Variants in MTUS1 observed in about 807,000 individuals in gnomAD.
MTUS1 encodes the protein microtubule associated scaffold protein 1, also known as microtubule-associated tumor suppressor 1.
Under a neutral mutation model 120.8 loss-of-function variants are expected in MTUS1, and 109 were observed. The observed-to-expected ratio is 0.90, with a 90% confidence interval of 0.77 to 1.06. MTUS1 has a LOEUF of 1.06. MTUS1 is among the 50% of genes least tolerant of loss of function. The pLI, the probability that MTUS1 is intolerant of heterozygous loss-of-function variation, is 0.00. For synonymous variants in MTUS1, 737 were observed against 550.5 expected, an observed-to-expected ratio of 1.34 and a Z score of -4.74; for missense variants, 2,210 against 1,486.3, an observed-to-expected ratio of 1.49 and a Z score of -8.01.
At chr8:17,675,139 T>A in intron 8 of MTUS1, 47 bp downstream of exon 8, 1 of 1,609,404 alleles carries the variant, frequency 6.2e-7, no homozygotes, top group South Asian at 1.1e-5. Flanking sequence ...TTTTCCAGTG[T>A]TCCCCTTGTC....
intron 6 of MTUS1, among the ~76,000 whole-genome samples, chr8:17,707,122 T>C (rs2937897): frequency 0.2 from 30,902 of 152,176 alleles, 3,324 homozygotes; most frequent in East Asian, 0.28. Flanking sequence ...GGCAATGTCT[T>C]CTGTATCAGC....
At chr8:17,675,122 A>C in intron 8 of MTUS1, 64 bp downstream of exon 8, 1 of 1,608,106 alleles carries the variant, frequency 6.2e-7, no homozygotes. Flanking sequence ...CAGACAGGAC[A>C]ACCACATTTT....
chr8:17,716,408 G>T (rs1382336849), intron 4 of MTUS1: 1 of 152,586 alleles, frequency 6.6e-6, no homozygotes, highest in Non-Finnish European at 1.5e-5. Context: ...CTGAACAAAG[G>T]AAGTTTGTTC....
At chr8:17,657,799 C>A (rs1303125822) in intron 8 of MTUS1, among the ~76,000 whole-genome samples, 1,444 of 90,954 alleles carry the variant, frequency 0.016, no homozygotes, top group African/African-American at 0.028. Flanking sequence ...GACCCTATCT[C>A]AAAAAAAAAA....
At chr8:17,715,548 C>T (rs1206209784) in intron 5 of MTUS1, among the ~76,000 whole-genome samples, 1 of 152,162 alleles carries the variant, frequency 6.6e-6, no homozygotes, top group Non-Finnish European at 1.5e-5. Flanking sequence ...TACCTTTGTT[C>T]TGCCTGCTGA....
chr8:17,685,549 A>G (rs958138428), intron 6 of MTUS1, among the ~76,000 whole-genome samples: 2 of 152,212 alleles, frequency 1.3e-5, no homozygotes, highest in Non-Finnish European at 2.9e-5. Flanking sequence ...AGCAAATCTG[A>G]AACAACTTTT....
intron 1 of MTUS1, 136 bp from the exon 2 acceptor site, chr8:17,756,097 CTG>C (rs1563336076): frequency 6.1e-6 from 2 of 330,352 alleles, no homozygotes; most frequent in African/African-American, 4.3e-5. Context: ...ATGTGGGTAA[CTG>C]AGATATAATC....
At chr8:17,655,379 G>C (rs912544300) in intron 9 of MTUS1, among the ~76,000 whole-genome samples, 1 of 151,838 alleles carries the variant, frequency 6.6e-6, no homozygotes, top group Non-Finnish European at 1.5e-5. Flanking sequence ...GAAAGAAAGG[G>C]TTGTTTTTTC....
chr8:17,761,422 C>T (rs1044929228), intron 1 of MTUS1, among the ~76,000 whole-genome samples: 12 of 152,146 alleles, frequency 7.9e-5, no homozygotes, highest in African/African-American at 2.9e-4. Context: ...AGATCCAATT[C>T]AAACTTCATT....
intron 3 of MTUS1, among the ~76,000 whole-genome samples, chr8:17,725,334 T>G (rs1034521457): frequency 1.3e-5 from 2 of 152,216 alleles, no homozygotes; most frequent in African/African-American, 4.8e-5. Context: ...AAAAAGATGC[T>G]GAAGCTCCTC....
intron 1 of MTUS1, among the ~76,000 whole-genome samples, chr8:17,778,791 C>T (rs1275599152): frequency 6.6e-5 from 10 of 151,876 alleles, no homozygotes; most frequent in Middle Eastern, 3.4e-3. Context: ...CCTGGGTGGC[C>T]GAGTAAGACT....
At chr8:17,772,373 T>G (rs1338553989) in intron 1 of MTUS1, among the ~76,000 whole-genome samples, 1 of 152,196 alleles carries the variant, frequency 6.6e-6, no homozygotes, top group East Asian at 1.9e-4. Flanking sequence ...TCACTCGCAT[T>G]ATCCAAACTT....
At chr8:17,775,301 G>C (rs1345554874) in intron 1 of MTUS1, among the ~76,000 whole-genome samples, 1 of 152,104 alleles carries the variant, frequency 6.6e-6, no homozygotes, top group South Asian at 2.1e-4. Flanking sequence ...CCACAAATTA[G>C]AAGAGTCAGA....
intron 1 of MTUS1, among the ~76,000 whole-genome samples, chr8:17,789,012 C>T (rs1251253061): frequency 2.0e-5 from 3 of 151,788 alleles, no homozygotes; most frequent in Non-Finnish European, 4.4e-5. Context: ...ATTTGATGTA[C>T]AGACTGTGCA....
At chr8:17,673,621 T>C (rs1208877677) in intron 8 of MTUS1, among the ~76,000 whole-genome samples, 2 of 152,096 alleles carry the variant, frequency 1.3e-5, no homozygotes, top group African/African-American at 4.8e-5. Context: ...TTGGCTGATT[T>C]TTAAATTATT....
In MTUS1 at chr8:17,755,139, A is replaced by G. The variant is rs781766369; in HGVS notation, c.669T>C (p.Tyr223=). The change falls in exon 2 of 15, where the codon TAT becomes TAC. Residue 223 remains tyrosine (Y), a synonymous_variant. Transcript: ENST00000693296. ...GAGGGTTTTCAAAGCTTTCTCTATC[A>G]TAAGTAGTTTCTCTTGCATGCGTCT... ...SDKTHARETT[Y]DRESFENPQV... is the part of the protein sequence containing the mutation. The G allele has an allele frequency of 4.6e-5, 75 of 1,613,964 alleles. No individual in the cohort carries two copies. Among genetic ancestry groups the G allele is most frequent in the African/African-American group, 8.0e-5 (6 of 74,916 alleles).
chr8:17,754,671 C>A lies in MTUS1; in HGVS notation c.1137G>T (p.Met379Ile), dbSNP rs372284366. ...TTCCCAAATCCTTTCCTTTGGAGAC[C>A]ATTTGTGTGTCTTCAGTCTCAGTGA... is the stretch of plus-strand genomic sequence containing the variant. ...HKVTETEDTQ[M>I]VSKGKDLGTQ... The change falls in exon 2 of 15, where the codon ATG becomes ATT. Residue 379 changes from methionine to isoleucine, a missense_variant. Met to Ile is a conservative substitution (Grantham distance 10, BLOSUM62 1). Transcript: ENST00000693296. The A allele has an allele frequency of 4.3e-6, 7 of 1,614,040 alleles. No homozygotes were observed. In the African/African-American group the frequency reaches 9.3e-5, roughly 22 times the overall value.
chr8:17,739,219 C>T (rs945306847), intron 3 of MTUS1, among the ~76,000 whole-genome samples: 2 of 152,050 alleles, frequency 1.3e-5, no homozygotes, highest in Non-Finnish European at 2.9e-5. Context: ...TCAGGCCAGG[C>T]GCGGTGGCTC....
At chr8:17,783,702 G>C (rs1014983297) in intron 1 of MTUS1, among the ~76,000 whole-genome samples, 2 of 152,056 alleles carry the variant, frequency 1.3e-5, no homozygotes, top group Admixed American at 1.3e-4. Flanking sequence ...CAGCCTATTG[G>C]TGACAGCCTT....
Sources: allele counts gnomAD v4.1 joint callset (sites outside exome capture counted in the v4.1 genomes callset), GRCh38; gene constraint gnomAD v4.1.1; transcripts MANE v1.5; gene names NCBI Gene and HGNC (gene_info 2026-07-23, HGNC 2026-07-21).